Variants in FOCAD observed in about 807,000 individuals in gnomAD.
FOCAD encodes the protein focadhesin.
FOCAD carries 198 observed loss-of-function variants against 225.6 expected under a neutral mutation model. The observed-to-expected ratio is 0.88, with a 90% CI of 0.78 to 0.99. The LOEUF (loss-of-function observed/expected upper bound fraction) is 0.99, where lower values mean the gene tolerates loss of function less well. FOCAD is among the 50% of genes least tolerant of loss of function. FOCAD has a pLI of 0.00. For synonymous variants in FOCAD, 897 were observed against 755.0 expected, an observed-to-expected ratio of 1.19 and a Z score of -3.08; for missense variants, 2,713 against 2,123.6, an observed-to-expected ratio of 1.28 and a Z score of -5.46.
At chr9:20,857,681 T>G (rs1428310578) in intron 15 of FOCAD, among the ~76,000 whole-genome samples, 1 of 151,970 alleles carries the variant, frequency 6.6e-6, no homozygotes, top group Non-Finnish European at 1.5e-5. Flanking sequence ...ATGGAAAAAC[T>G]TTCAGTTTTC....
chr9:20,930,732 C>T (rs907755460), intron 27 of FOCAD, among the ~76,000 whole-genome samples: 10 of 152,130 alleles, frequency 6.6e-5, no homozygotes, highest in Non-Finnish European at 1.5e-4. Flanking sequence ...GTCTTTGAGA[C>T]CATAAGTGCA....
rs558742778 is a variant in FOCAD at position 20,848,388 on chromosome 9, C to T, written c.1921-14190C>T. Among the ~76,000 whole-genome samples the T allele has an allele frequency of 5.3e-5, 8 of 152,054 alleles. No homozygotes were observed. In the East Asian group the frequency reaches 1.4e-3, roughly 26 times the overall value. On this transcript the variant is annotated intron_variant, in intron 15 of 43. Coordinates refer to ENST00000338382, the MANE Select transcript of FOCAD (RefSeq NM_001375567.1). ...AGGTCTCATGGCCTACAGTCAATAA[C>T]GTAGGTCAGGTAGTTTCTTTATGGC...
intron 15 of FOCAD, among the ~76,000 whole-genome samples, chr9:20,844,330 C>G (rs998244287): frequency 2.3e-5 from 3 of 129,448 alleles, no homozygotes; most frequent in Non-Finnish European, 4.8e-5. Context: ...AGACATGGTT[C>G]TAACCCTCAG....
chr9:20,745,730 A>G (rs1827988978), intron 5 of FOCAD, among the ~76,000 whole-genome samples: 1 of 152,218 alleles, frequency 6.6e-6, no homozygotes, highest in South Asian at 2.1e-4. Flanking sequence ...GACATGCACA[A>G]ATATCAAATG....
intron 35 of FOCAD, among the ~76,000 whole-genome samples, chr9:20,956,844 C>G (rs987582123): frequency 1.3e-5 from 2 of 152,086 alleles, no homozygotes; most frequent in Non-Finnish European, 2.9e-5. Flanking sequence ...AGCCATGCAC[C>G]ACCACGCCTG....
chr9:20,761,674 A>G (rs1829613739), intron 6 of FOCAD, among the ~76,000 whole-genome samples: 1 of 151,534 alleles, frequency 6.6e-6, no homozygotes, highest in African/African-American at 2.4e-5. Flanking sequence ...CCCGCCTCGG[A>G]CTCCTAAATT....
At chr9:20,760,225 G>A (rs773317970) in intron 6 of FOCAD, among the ~76,000 whole-genome samples, 11 of 152,204 alleles carry the variant, frequency 7.2e-5, no homozygotes, top group Admixed American at 1.3e-4. Flanking sequence ...CACTTGCAGT[G>A]CATGGGCTAA....
intron 21 of FOCAD, among the ~76,000 whole-genome samples, chr9:20,891,222 T>G (rs1411730100): frequency 6.6e-6 from 1 of 152,168 alleles, no homozygotes; most frequent in African/African-American, 2.4e-5. Flanking sequence ...GTCCCCCCAA[T>G]TGGGCCTCCC....
intron 21 of FOCAD, among the ~76,000 whole-genome samples, chr9:20,902,811 A>G (rs1832667051): frequency 6.6e-6 from 1 of 151,894 alleles, no homozygotes; most frequent in African/African-American, 2.4e-5. Context: ...GGGTAACTGG[A>G]ACATTGATAG....
chr9:20,684,320 C>T (rs1164776450), intron 1 of FOCAD, 27 bp downstream of exon 1: 2 of 152,272 alleles, frequency 1.3e-5, no homozygotes, highest in African/African-American at 4.8e-5. Context: ...GGCGGGCTGC[C>T]ACCGCTGCAC....
chr9:20,785,262 C>A (rs374010015), intron 10 of FOCAD, among the ~76,000 whole-genome samples: 1 of 151,968 alleles, frequency 6.6e-6, no homozygotes, highest in Non-Finnish European at 1.5e-5. Flanking sequence ...TGCGCCCTTC[C>A]CTCATTTAAA....
intron 7 of FOCAD, 25 bp from the exon 8 acceptor site, chr9:20,770,007 A>G (rs1431467242): frequency 6.3e-7 from 1 of 1,583,980 alleles, no homozygotes; most frequent in Non-Finnish European, 8.6e-7. Context: ...ATTTTTTAAT[A>G]TCATATAATG....
chr9:20,758,081 G>A lies in FOCAD; in HGVS notation c.393-9G>A. On this transcript the variant is annotated splice_polypyrimidine_tract_variant and intron_variant, in intron 5 of 43. Coordinates refer to ENST00000338382, the MANE Select transcript of FOCAD (RefSeq NM_001375567.1). Reference sequence around the variant, plus strand: ...AACAGGTTCCCATGTGACTTTCTGTGTCTTTCAGAAATCATCCTCATCCTT... The same window carrying A: ...AACAGGTTCCCATGTGACTTTCTGTATCTTTCAGAAATCATCCTCATCCTT... The A allele has an allele frequency of 6.3e-7, 1 of 1,589,264 alleles. No homozygotes were observed. Among genetic ancestry groups the A allele is most frequent in the South Asian group, 1.1e-5 (1 of 87,506 alleles).
At chr9:20,721,224 G>T (rs563498097) in intron 4 of FOCAD, among the ~76,000 whole-genome samples, 1 of 152,112 alleles carries the variant, frequency 6.6e-6, no homozygotes, top group Non-Finnish European at 1.5e-5. Flanking sequence ...CCTAATTTTT[G>T]ACTACTTCAA....
chr9:20,746,236 C>T (rs2131702552), intron 5 of FOCAD, among the ~76,000 whole-genome samples: 1 of 152,232 alleles, frequency 6.6e-6, no homozygotes, highest in South Asian at 2.1e-4. Flanking sequence ...TGAAGGAAGA[C>T]ATGGAGCCAG....
At position 20,706,941 on chromosome 9, in the gene FOCAD, C is replaced by G. The variant is rs568849405; in HGVS notation, c.-32-8381C>G. Among the ~76,000 whole-genome samples the G allele has an allele frequency of 7.2e-5, 11 of 152,296 alleles. No homozygotes were observed. The South Asian group carries it at 2.3e-3, about 32-fold the overall frequency. The stretch of plus-strand genomic sequence containing the variant: ...TGTCTAGGCTGTTGCCCAGAATTCA[C>G]TCTGGTTCCGAAGAGAGAGTGGAGG... On this transcript the variant is annotated intron_variant, in intron 1 of 43. Coordinates refer to ENST00000338382, the MANE Select transcript of FOCAD (RefSeq NM_001375567.1).
chr9:20,758,246 A>C, intron 6 of FOCAD, 55 bp downstream of exon 6: 1 of 1,264,406 alleles, frequency 7.9e-7, no homozygotes, highest in Non-Finnish European at 1.1e-6. Flanking sequence ...GGTATATGCT[A>C]ATTTTAGAGC....
chr9:20,986,266 A>ATTTTTTTTTTTTTTTATTTTTTTTTTTTT, intron 39 of FOCAD, 22 bp from the exon 40 acceptor site: 1 of 705,686 alleles, frequency 1.4e-6, no homozygotes, highest in Non-Finnish European at 1.8e-6. Flanking sequence ...TAACTAAACA[A>ATTTTTTTTTTTTTTTATTTTTTTTTTTTT]TTTTTTTTTT....
At chr9:20,660,116 G>T (rs973826205) in intron 2 of FOCAD, among the ~76,000 whole-genome samples, 1 of 152,224 alleles carries the variant, frequency 6.6e-6, no homozygotes, top group Non-Finnish European at 1.5e-5. Context: ...GACAGGTTCA[G>T]TGGTAGCTAA....
Sources: allele counts gnomAD v4.1 joint callset (sites outside exome capture counted in the v4.1 genomes callset), GRCh38; gene constraint gnomAD v4.1.1; transcripts MANE v1.5; gene names NCBI Gene and HGNC (gene_info 2026-07-23, HGNC 2026-07-21).